BICC1: variants seen among roughly 807,000 people sequenced by gnomAD.
BICC1 encodes protein bicaudal C homolog 1.
BICC1 carries 43 observed loss-of-function variants against 111.0 expected under a neutral mutation model. The ratio of observed to expected loss-of-function variants is 0.39; its 90% CI spans 0.30 to 0.50. BICC1 has a LOEUF of 0.50. Among genes scored for constraint, BICC1 ranks in the 20% least tolerant of loss-of-function variants. The probability of loss-of-function intolerance (pLI) is 0.88; values close to 1 mark genes in which losing one functional copy is unlikely to be tolerated. For synonymous variants in BICC1, 467 were observed against 434.4 expected (o/e 1.07, Z -0.93); for missense variants, 1,091 against 1,203.2 (o/e 0.91, Z 1.38).
intron 2 of BICC1, among the ~76,000 whole-genome samples, chr10:58,627,539 G>A (rs1014101616): frequency 3.3e-5 from 5 of 152,068 alleles, no homozygotes; most frequent in South Asian, 2.1e-4. Context: ...GAACTATTTC[G>A]ACATTATGTA....
rs1844485109 is a variant in BICC1, at chr10:58,829,151, T to A, written c.*260T>A. 3.3e-6 allele frequency: 1 copy of A among 307,062 alleles called. No individual in the cohort carries two copies. The highest frequency in any genetic ancestry group is 4.8e-5 in the Admixed American group (1 of 20,718). 19.0% of individuals were successfully genotyped at this position (307,062 alleles called of 1,614,324 possible). The stretch of plus-strand genomic sequence containing the variant: ...TTTGCAATATAAGGATAGGGCTTTA[T>A]TTCCTGTTTTTATTTACCTATATAA... On this transcript the variant is annotated 3_prime_UTR_variant, in exon 21 of 21. Transcript: ENST00000373886.
intron 1 of BICC1, among the ~76,000 whole-genome samples, chr10:58,554,414 AG>A (rs1843384637): frequency 6.6e-6 from 1 of 152,170 alleles, no homozygotes; most frequent in South Asian, 2.1e-4. Context: ...TCAATGCTGT[AG>A]TTATGTAATT....
intron 9 of BICC1, among the ~76,000 whole-genome samples, chr10:58,794,543 C>T (rs1039265290): frequency 2.4e-4 from 37 of 151,922 alleles, no homozygotes; most frequent in African/African-American, 8.0e-4. Flanking sequence ...CTCAGCCTCC[C>T]GAGTAGCTGG....
chr10:58,542,753 T>C (rs1333200883), intron 1 of BICC1, among the ~76,000 whole-genome samples: 1 of 151,524 alleles, frequency 6.6e-6, no homozygotes, highest in Non-Finnish European at 1.5e-5. Flanking sequence ...AATATAAACA[T>C]CGGCATGAAA....
chr10:58,790,607 C>G (rs564217316), intron 8 of BICC1, among the ~76,000 whole-genome samples: 1 of 152,230 alleles, frequency 6.6e-6, no homozygotes, highest in Non-Finnish European at 1.5e-5. Context: ...GTGGGCAGAT[C>G]ACTTGAGGTC....
intron 20 of BICC1, among the ~76,000 whole-genome samples, chr10:58,827,787 A>G (rs1844441213): frequency 6.6e-6 from 1 of 152,154 alleles, no homozygotes; most frequent in African/African-American, 2.4e-5. Context: ...GACAGAAATT[A>G]TGATGTATTT....
intron 19 of BICC1, among the ~76,000 whole-genome samples, chr10:58,819,608 G>A (rs753195778): frequency 9.9e-5 from 15 of 152,056 alleles, no homozygotes; most frequent in Non-Finnish European, 1.9e-4. Context: ...TGTCTTATTT[G>A]GTAAGCCCAG....
At chr10:58,778,318 G>A (rs1842800430) in intron 3 of BICC1, among the ~76,000 whole-genome samples, 1 of 151,958 alleles carries the variant, frequency 6.6e-6, no homozygotes, top group African/African-American at 2.4e-5. Flanking sequence ...GTGGGGTCAG[G>A]GATGTTGACC....
chr10:58,658,940 C>T (rs1485481478), intron 2 of BICC1, among the ~76,000 whole-genome samples: 3 of 152,118 alleles, frequency 2.0e-5, no homozygotes, highest in Admixed American at 6.6e-5. Flanking sequence ...GTAATTGGTT[C>T]TGCACCCTCC....
chr10:58,815,028 C>T (rs1306481845), intron 18 of BICC1, among the ~76,000 whole-genome samples: 1 of 152,186 alleles, frequency 6.6e-6, no homozygotes, highest in African/African-American at 2.4e-5. Context: ...TTATCTACAA[C>T]AGCACCCATA....
intron 1 of BICC1, among the ~76,000 whole-genome samples, chr10:58,528,420 C>A (rs549460238): frequency 2.6e-5 from 4 of 151,904 alleles, no homozygotes; most frequent in Admixed American, 6.6e-5. Context: ...TTTTATAAAT[C>A]GAAATTTGTC....
chr10:58,739,510 C>T (rs1019489429), intron 3 of BICC1, among the ~76,000 whole-genome samples: 4 of 149,740 alleles, frequency 2.7e-5, no homozygotes, highest in Middle Eastern at 3.4e-3. Flanking sequence ...ATTTTTGCAT[C>T]GATGGAGCTG....
chr10:58,753,111 T>G (rs1213078130), intron 3 of BICC1, among the ~76,000 whole-genome samples: 2 of 152,210 alleles, frequency 1.3e-5, no homozygotes, highest in Non-Finnish European at 2.9e-5. Flanking sequence ...CAAAGCCTAG[T>G]GTCTCAAAGT....
At chr10:58,714,896 G>A (rs936861960) in intron 3 of BICC1, among the ~76,000 whole-genome samples, 4 of 151,536 alleles carry the variant, frequency 2.6e-5, no homozygotes, top group Non-Finnish European at 5.9e-5. Context: ...AAAGATAGTG[G>A]CAACAATACA....
intron 1 of BICC1, among the ~76,000 whole-genome samples, chr10:58,548,823 C>T (rs1241488439): frequency 2.0e-5 from 3 of 152,080 alleles, no homozygotes; most frequent in East Asian, 3.9e-4. Context: ...GGGACAGGGT[C>T]GTGCTCTGTC....
At chr10:58,584,786 CTTT>C (rs530237055) in intron 1 of BICC1, among the ~76,000 whole-genome samples, 1 of 141,986 alleles carries the variant, frequency 7.0e-6, no homozygotes, top group African/African-American at 2.6e-5. Context: ...ATTGCAGTGC[CTTT>C]TTTTTTTTTC....
chr10:58,731,565 A>G (rs75675012), intron 3 of BICC1, among the ~76,000 whole-genome samples: 87 of 152,338 alleles, frequency 5.7e-4, no homozygotes, highest in African/African-American at 1.7e-3. Context: ...TTATTAAAGA[A>G]AAGAGGCTTA....
rs1163426294 is a variant in BICC1, at chr10:58,537,566, A to G, written c.190+24233A>G. ...AGAACTTGAAAGAATTCCCCCTAAG[A>G]ATGGGAACAAGACAAGGATGCCCAC... On this transcript the variant is annotated intron_variant, in intron 1 of 20. Coordinates refer to ENST00000373886, the MANE Select transcript of BICC1 (RefSeq NM_001080512.3). Among the ~76,000 whole-genome samples, 5 of 151,842 alleles carry G rather than the reference A, an allele frequency of 3.3e-5. No homozygotes were observed. In the East Asian group the frequency reaches 9.7e-4, roughly 29 times the overall value.
chr10:58,765,461 C>T (rs1429054622), intron 3 of BICC1, among the ~76,000 whole-genome samples: 1 of 152,160 alleles, frequency 6.6e-6, no homozygotes, highest in African/African-American at 2.4e-5. Context: ...ATTCATTCAT[C>T]TATCAAACAT....
Sources: gnomAD v4.1 joint callset for allele counts (sites outside exome capture counted in the v4.1 genomes callset) on GRCh38, gnomAD v4.1.1 for gene constraint, MANE v1.5 for transcripts, NCBI Gene and HGNC (gene_info 2026-07-23, HGNC 2026-07-21) for gene names.